The following STON2 variants were observed in gnomAD, a reference collection of about 807,000 sequenced individuals.
STON2 encodes stonin 2, also known as stonin-2.
STON2 carries 29 observed loss-of-function variants against 65.7 expected under a neutral mutation model. That is an observed-to-expected ratio of 0.44 (90% CI 0.33 to 0.60). STON2 has a LOEUF of 0.60. Among genes scored for constraint, STON2 ranks in the 20% least tolerant of loss-of-function variants. The pLI, the probability that STON2 is intolerant of heterozygous loss-of-function variation, is 0.03. For missense variants in STON2, 1,054 were observed against 1,118.1 expected (o/e 0.94, Z 0.82); for synonymous variants, 404 against 414.2 (o/e 0.98, Z 0.30).
At chr14:81,433,196 A>G (rs912190871) in intron 1 of STON2, among the ~76,000 whole-genome samples, 25 of 152,238 alleles carry the variant, frequency 1.6e-4, no homozygotes, top group Admixed American at 1.4e-3. Flanking sequence ...TGAAGAAGGC[A>G]AGCTGCTCAA....
chr14:81,364,764 G>T (rs1411095563), intron 4 of STON2, among the ~76,000 whole-genome samples: 1 of 152,070 alleles, frequency 6.6e-6, no homozygotes, highest in Admixed American at 6.6e-5. Context: ...CCAGCATCTG[G>T]ATCTTTTTGG....
intron 2 of STON2, 134 bp from the exon 3 acceptor site, chr14:81,396,312 G>C: frequency 1.3e-6 from 1 of 741,076 alleles, no homozygotes; most frequent in Non-Finnish European, 2.2e-6. Context: ...AGAAGAAAGA[G>C]CCACACCCAT....
rs1156248617 is a variant in STON2 at position 81,371,048 on chromosome 14, G to A, written c.511C>T (p.Leu171=). The A allele has an allele frequency of 6.2e-7, 1 of 1,613,748 alleles. No individual in the cohort carries two copies. The highest frequency in any genetic ancestry group is 8.5e-7 in the Non-Finnish European group (1 of 1,180,024). The change falls in exon 4 of 8, where the codon CTG becomes TTG. Residue 171 remains leucine, a synonymous_variant. Transcript: ENST00000614646. ...SPSFGCSYTD[L]QLINAEEQTS... is the part of the protein sequence containing the mutation. ...TGCTCCTCAGCATTGATGAGCTGCA[G>A]ATCTGTATACGAACATCCAAAGCTA...
chr14:81,313,574 C>T (rs1458867976), intron 5 of STON2, among the ~76,000 whole-genome samples: 1 of 151,944 alleles, frequency 6.6e-6, no homozygotes, highest in East Asian at 1.9e-4. Flanking sequence ...GCAGGTAGAT[C>T]ACTTGAGGTC....
chr14:81,280,256 G>A (rs1486535072), intron 5 of STON2, among the ~76,000 whole-genome samples: 1 of 152,184 alleles, frequency 6.6e-6, no homozygotes, highest in Admixed American at 6.5e-5. Flanking sequence ...CCTAAGGACC[G>A]TGGGTATCTG....
intron 2 of STON2, among the ~76,000 whole-genome samples, chr14:81,396,869 A>C (rs1900351024): frequency 6.6e-6 from 1 of 152,100 alleles, no homozygotes; most frequent in Admixed American, 6.5e-5. Context: ...GACCAGCCTG[A>C]CCAACATGGC....
At chr14:81,286,558 T>C (rs1436842874) in intron 5 of STON2, among the ~76,000 whole-genome samples, 1 of 152,192 alleles carries the variant, frequency 6.6e-6, no homozygotes, top group Non-Finnish European at 1.5e-5. Flanking sequence ...TAGACTATAG[T>C]ATAGTGTAAG....
intron 5 of STON2, among the ~76,000 whole-genome samples, chr14:81,305,176 T>C (rs989200949): frequency 6.6e-6 from 1 of 152,278 alleles, no homozygotes; most frequent in African/African-American, 2.4e-5. Flanking sequence ...TCCATGTTAG[T>C]GTCGATGGAC....
intron 5 of STON2, among the ~76,000 whole-genome samples, chr14:81,322,925 A>C (rs1481164327): frequency 2.6e-5 from 4 of 152,218 alleles, no homozygotes; most frequent in Non-Finnish European, 5.9e-5. Flanking sequence ...ATTCAGAGTC[A>C]TCTGGCATAG....
chr14:81,349,166 G>A (rs1225852262), intron 4 of STON2, among the ~76,000 whole-genome samples: 2 of 152,034 alleles, frequency 1.3e-5, no homozygotes, highest in South Asian at 2.1e-4. Context: ...AACACCCCAC[G>A]GCATTGGTCT....
rs1894300636 is a variant in STON2, at chr14:81,265,015, T to C, written c.*3399A>G. The stretch of plus-strand genomic sequence containing the variant: ...ATGTTCTAAGAGTAATACTATGTAC[T>C]GGTAAAATGAATTCATTTTTAATAT... On this transcript the variant is annotated 3_prime_UTR_variant, in exon 8 of 8. Coordinates refer to ENST00000614646, the MANE Select transcript of STON2 (RefSeq NM_001394390.1). 3 of 979,596 alleles carry C rather than the reference T, an allele frequency of 3.1e-6. No homozygotes were observed. The highest frequency in any genetic ancestry group is 9.5e-5 in the South Asian group (2 of 21,162). The allele number at this position is 979,596 out of a possible 1,614,324, so 60.7% of individuals were successfully genotyped here.
chr14:81,428,771 C>T (rs1476638076), intron 1 of STON2, among the ~76,000 whole-genome samples: 2 of 152,110 alleles, frequency 1.3e-5, no homozygotes, highest in African/African-American at 2.4e-5. Flanking sequence ...AAATGTTTTC[C>T]GTTTCTAAGG....
At chr14:81,312,516 A>G (rs1566903464) in intron 5 of STON2, among the ~76,000 whole-genome samples, 1 of 152,226 alleles carries the variant, frequency 6.6e-6, no homozygotes, top group Non-Finnish European at 1.5e-5. Flanking sequence ...TATAAATTGC[A>G]AACTCAGAAA....
At chr14:81,375,800 G>A (rs181633414) in intron 3 of STON2, among the ~76,000 whole-genome samples, 208 of 151,272 alleles carry the variant, frequency 1.4e-3, no homozygotes, top group Non-Finnish European at 2.5e-3. Context: ...CATGAAGCAA[G>A]CTGGAACAAA....
chr14:81,271,295 G>T (rs541562120), intron 6 of STON2, among the ~76,000 whole-genome samples: 22 of 152,296 alleles, frequency 1.4e-4, no homozygotes, highest in African/African-American at 4.1e-4. Context: ...TTTGAAGAAT[G>T]AATTGATTTT....
At chr14:81,325,324 T>C (rs1376205744) in intron 4 of STON2, among the ~76,000 whole-genome samples, 1 of 152,210 alleles carries the variant, frequency 6.6e-6, no homozygotes, top group Non-Finnish European at 1.5e-5. Flanking sequence ...TATGCTAATA[T>C]ACATTGTGAC....
intron 2 of STON2, among the ~76,000 whole-genome samples, chr14:81,419,239 G>T (rs1255033624): frequency 6.6e-6 from 1 of 152,244 alleles, no homozygotes; most frequent in East Asian, 1.9e-4. Flanking sequence ...ACAGCATCCT[G>T]ATATAAGCTG....
intron 5 of STON2, among the ~76,000 whole-genome samples, chr14:81,316,285 G>A (rs565870016): frequency 4.6e-5 from 7 of 152,260 alleles, no homozygotes; most frequent in South Asian, 2.1e-4. Flanking sequence ...TCTCCTCGCC[G>A]TCTATTTCAG....
chr14:81,399,740 T>C (rs1322114313), intron 1 of STON2, among the ~76,000 whole-genome samples: 8 of 152,238 alleles, frequency 5.3e-5, no homozygotes, highest in East Asian at 1.9e-4. Context: ...AATTCTTCTA[T>C]GGATAAAGAA....
Sources: allele counts gnomAD v4.1 joint callset (sites outside exome capture counted in the v4.1 genomes callset), GRCh38; gene constraint gnomAD v4.1.1; transcripts MANE v1.5; gene names NCBI Gene and HGNC (gene_info 2026-07-23, HGNC 2026-07-21).